Variants in ADGRL1 observed in about 807,000 individuals in gnomAD.
ADGRL1 encodes CIRL-1.
A neutral mutation model predicts 148.9 loss-of-function variants in ADGRL1; 31 were observed. The observed-to-expected ratio is 0.21, with a 90% CI of 0.16 to 0.28. The LOEUF (loss-of-function observed/expected upper bound fraction) is 0.28, where lower values mean the gene tolerates loss of function less well. Among genes scored for constraint, ADGRL1 ranks in the 10% least tolerant of loss-of-function variants. The pLI is 1.00. For synonymous variants in ADGRL1, 937 were observed against 900.3 expected, an observed-to-expected ratio of 1.04 and a Z score of -0.73; for missense variants, 1,521 against 2,058.8, an observed-to-expected ratio of 0.74 and a Z score of 5.05.
intron 4 of ADGRL1, chr19:14,169,236 T>C (rs1333498110): frequency 1.3e-5 from 2 of 152,238 alleles, no homozygotes; most frequent in East Asian, 3.8e-4. Flanking sequence ...AGGAGCGACT[T>C]TGTGGCCGGC....
At chr19:14,193,486 C>A (rs554494745) in intron 1 of ADGRL1, among the ~76,000 whole-genome samples, 1 of 152,068 alleles carries the variant, frequency 6.6e-6, no homozygotes, top group Non-Finnish European at 1.5e-5. Context: ...ACTGGGAAGG[C>A]TGAAGGGGGA....
rs754060469 is a variant in ADGRL1, at chr19:14,152,534, G to T, written c.3503C>A (p.Thr1168Asn). Reference sequence around the variant, plus strand: ...CTTCTCACCTCGGTTCAGGGTGGGGGTGCTGTTGATGTCACCCGCCATGAA... The same window carrying T: ...CTTCTCACCTCGGTTCAGGGTGGGGTTGCTGTTGATGTCACCCGCCATGAA... The part of the protein sequence containing the change: ...SSFMAGDINS[T>N]PTLNRGTMGN... Residue 1168 changes from threonine (T) to asparagine (N), a missense_variant, in exon 20 of 23, where the codon ACC (threonine) becomes AAC (asparagine). Coordinates refer to ENST00000361434, the MANE Select transcript of ADGRL1 (RefSeq NM_014921.5). This position sits in a 1 kb window ranked among gnomAD's most constrained non-coding sequence, Gnocchi z 6.1. 15 of 1,613,948 alleles carry T rather than the reference G, an allele frequency of 9.3e-6. No homozygotes were observed. Among genetic ancestry groups the T allele is most frequent in the Non-Finnish European group, 1.3e-5 (15 of 1,179,966 alleles).
intron 1 of ADGRL1, among the ~76,000 whole-genome samples, chr19:14,204,222 C>T (rs1408060034): frequency 6.6e-6 from 1 of 152,132 alleles, no homozygotes; most frequent in East Asian, 1.9e-4. Flanking sequence ...CTCTTATTCT[C>T]CCTGTTTTCA....
At chr19:14,168,189 G>A (rs1436189504) in intron 4 of ADGRL1, among the ~76,000 whole-genome samples, 2 of 151,830 alleles carry the variant, frequency 1.3e-5, no homozygotes, top group Non-Finnish European at 2.9e-5. Context: ...GGCTCTCCTG[G>A]CCCCTCTCTG....
At position 14,148,801 on chromosome 19, in the gene ADGRL1, C is replaced by T. The variant is rs1967852966; in HGVS notation, c.*2072G>A. 1 of 152,632 alleles carries T rather than the reference C, an allele frequency of 6.6e-6. No homozygotes were observed. The highest frequency in any genetic ancestry group is 1.5e-5 in the Non-Finnish European group (1 of 68,056). 9.5% of individuals were successfully genotyped at this position (152,632 alleles called of 1,614,324 possible). A position where few individuals can be genotyped will look rare whatever the true frequency, so the allele number is the denominator to read the frequency against. ...GGACAAACCACCATCTTTGGTCTGA[C>T]CCCTTCTCCCCTAATTGATGGGGAC... On this transcript the variant is annotated 3_prime_UTR_variant, in exon 23 of 23. Coordinates refer to ENST00000361434, the MANE Select transcript of ADGRL1 (RefSeq NM_014921.5).
At chr19:14,196,350 G>C (rs370045087) in intron 1 of ADGRL1, among the ~76,000 whole-genome samples, 8 of 152,188 alleles carry the variant, frequency 5.3e-5, no homozygotes, top group Admixed American at 2.6e-4. Context: ...CGGATGTGGC[G>C]GCGCACACCT....
intron 1 of ADGRL1, among the ~76,000 whole-genome samples, chr19:14,198,725 T>G (rs1972420801): frequency 6.6e-6 from 1 of 152,078 alleles, no homozygotes; most frequent in Admixed American, 6.5e-5. Context: ...GCCACCATCT[T>G]CTGTCTGACC....
Position 14,154,483 on chromosome 19 carries a change from G to A in ADGRL1, c.3294+876C>T, listed in dbSNP as rs144098598. On this transcript the variant is annotated intron_variant, in intron 18 of 22. Coordinates refer to ENST00000361434, the MANE Select transcript of ADGRL1 (RefSeq NM_014921.5). ...CCCTTTGGTTTTTTTAAATAGAGAC[G>A]GGGTCTCTGTTGCCCAGGCTGGTCT... Among the ~76,000 whole-genome samples the A allele has an allele frequency of 6.9e-3, 1,044 of 152,252 alleles. 18 individuals are homozygous for A. The highest frequency in any genetic ancestry group is 0.024 in the African/African-American group (988 of 41,526).
rs567734530 is a variant in ADGRL1, at chr19:14,177,832, G to T, written c.71-88C>A. 2.7e-5 allele frequency: 33 copies of T among 1,225,716 alleles called. No individual in the cohort carries two copies. The East Asian group carries it at 6.0e-4, about 22-fold the overall frequency. 75.9% of individuals were successfully genotyped at this position (1,225,716 alleles called of 1,614,324 possible). On this transcript the variant is annotated intron_variant, in intron 2 of 22. Transcript: ENST00000361434. ...CACTGCCAAGAAAACACCACCTCTG[G>T]CTCGGCTGTGTCCTGGAAGCCAGCT...
At chr19:14,196,894 G>A in intron 1 of ADGRL1, among the ~76,000 whole-genome samples, 1 of 152,076 alleles carries the variant, frequency 6.6e-6, no homozygotes, top group Non-Finnish European at 1.5e-5. Flanking sequence ...TGCTGGCTCT[G>A]CAGGGTGGGG....
At chr19:14,187,330 C>A (rs142193990) in intron 1 of ADGRL1, among the ~76,000 whole-genome samples, 1 of 152,184 alleles carries the variant, frequency 6.6e-6, no homozygotes, top group African/African-American at 2.4e-5. Flanking sequence ...CAGAGCCAGA[C>A]TGTCTCAAAA....
chr19:14,151,398 G>A lies in ADGRL1; in HGVS notation c.3885C>T (p.Ala1295=), dbSNP rs1485571104. 6.2e-7 allele frequency: 1 copy of A among 1,608,742 alleles called. No homozygotes were observed. The highest frequency in any genetic ancestry group is 8.5e-7 in the Non-Finnish European group (1 of 1,178,140). The change falls in exon 23 of 23, where the codon GCC becomes GCT. Residue 1295 remains alanine, a synonymous_variant. Transcript: ENST00000361434. ...GGGGCTCAGGCGGTGGAGGGCCCTT[G>A]GCCGCGCTGCTGCTCCCCCGCAGGT... The part of the protein sequence containing the change: ...HNNLRGSSSA[A]KGPPPPEPPV...
Position 14,155,904 on chromosome 19 carries a change from A to T in ADGRL1, c.3125+206T>A. 1 of 590,082 alleles carries T rather than the reference A, an allele frequency of 1.7e-6. No individual in the cohort carries two copies. The highest frequency in any genetic ancestry group is 3.0e-6 in the Non-Finnish European group (1 of 329,984). 36.6% of individuals were successfully genotyped at this position (590,082 alleles called of 1,614,324 possible). On this transcript the variant is annotated intron_variant, in intron 17 of 22. Transcript: ENST00000361434. This position sits in a 1 kb window ranked among gnomAD's most constrained non-coding sequence, Gnocchi z 5.0. ...TACATACCGATGCCCCTAAAACCAC[A>T]GGTTGGACGTGCTAATGATACGCTA...
chr19:14,188,438 C>A (rs894588047), intron 1 of ADGRL1, among the ~76,000 whole-genome samples: 8 of 152,080 alleles, frequency 5.3e-5, no homozygotes, highest in Non-Finnish European at 1.0e-4. Context: ...CAGAGTGGAC[C>A]CCCCAGAGCC....
intron 1 of ADGRL1, among the ~76,000 whole-genome samples, chr19:14,199,096 G>A (rs1972442797): frequency 6.6e-6 from 1 of 152,202 alleles, no homozygotes; most frequent in East Asian, 1.9e-4. Flanking sequence ...TAGCAGGGCA[G>A]GAGAGAAGAG....
At chr19:14,156,825 G>C (rs893999053) in intron 15 of ADGRL1, 100 bp downstream of exon 15, 1 of 1,519,278 alleles carries the variant, frequency 6.6e-7, no homozygotes, top group African/African-American at 1.4e-5. Context: ...TCTGGGATCA[G>C]GAGGAGGAAG....
intron 1 of ADGRL1, among the ~76,000 whole-genome samples, chr19:14,199,419 G>C (rs1035763073): frequency 6.6e-6 from 1 of 151,368 alleles, no homozygotes; most frequent in African/African-American, 2.4e-5. Context: ...GTTTGGGAGT[G>C]TGTGTGTTTT....
At position 14,158,026 on chromosome 19, in the gene ADGRL1, G is replaced by A; in HGVS notation, c.2391C>T (p.Cys797=). 1 of 1,614,210 alleles carries A rather than the reference G, an allele frequency of 6.2e-7. No individual in the cohort carries two copies. The highest frequency in any genetic ancestry group is 8.5e-7 in the Non-Finnish European group (1 of 1,180,026). Residue 797 remains cysteine, a synonymous_variant, in exon 13 of 23, where the codon TGC becomes TGT. Transcript: ENST00000361434. The part of the protein sequence containing the change: ...LEDKNHFNAN[C]SFWNYSERSM... ...AACGCTCCGAGTAGTTCCAGAAGGA[G>A]CAGTTAGCATTGAAGTGGTTCTTGT... is the stretch of plus-strand genomic sequence containing the variant.
Position 14,148,367 on chromosome 19 carries a change from C to T in ADGRL1, c.*2506G>A, listed in dbSNP as rs1300015269. The T allele has an allele frequency of 1.3e-5, 2 of 152,358 alleles. No homozygotes were observed. Among genetic ancestry groups the T allele is most frequent in the African/African-American group, 4.8e-5 (2 of 41,466 alleles). The allele number at this position is 152,358 out of a possible 1,614,324, so 9.4% of individuals were successfully genotyped here. On this transcript the variant is annotated 3_prime_UTR_variant, in exon 23 of 23. Transcript: ENST00000361434. ...CCTCTCTCCCTTTGATTGTCCGAGTCTGGAGAGATACAAGGAAGGCTGGGC... is the reference window on the plus strand; with the variant it reads ...CCTCTCTCCCTTTGATTGTCCGAGTTTGGAGAGATACAAGGAAGGCTGGGC...
Sources: gnomAD v4.1 joint callset for allele counts (sites outside exome capture counted in the v4.1 genomes callset) on GRCh38, gnomAD v4.1.1 for gene constraint, Gnocchi (gnomAD v3.1) non-coding constraint, MANE v1.5 for transcripts, NCBI Gene and HGNC (gene_info 2026-07-23, HGNC 2026-07-21) for gene names.